PAXBP1: variants seen among roughly 807,000 people sequenced by gnomAD.
PAXBP1 encodes the protein PAX3- and PAX7-binding protein 1.
Under a neutral mutation model 119.9 loss-of-function variants are expected in PAXBP1, and 44 were observed. The ratio of observed to expected loss-of-function variants is 0.37; its 90% CI spans 0.29 to 0.47. The LOEUF is 0.47. Among genes scored for constraint, PAXBP1 ranks in the 20% least tolerant of loss-of-function variants. PAXBP1 has a pLI of 0.99. For missense variants in PAXBP1, 898 were observed against 1,134.1 expected, an observed-to-expected ratio of 0.79 and a Z score of 2.99; for synonymous variants, 393 against 406.6, an observed-to-expected ratio of 0.97 and a Z score of 0.40.
intron 10 of PAXBP1, 83 bp downstream of exon 10, chr21:32,750,834 G>A: frequency 9.9e-7 from 1 of 1,007,016 alleles, no homozygotes; most frequent in Non-Finnish European, 1.5e-6. Flanking sequence ...AGACCATGAA[G>A]ATTCAAATCA....
intron 11 of PAXBP1, among the ~76,000 whole-genome samples, chr21:32,747,086 T>TG (rs1569157897): frequency 1.1e-4 from 1 of 8,762 alleles, no homozygotes; most frequent in Non-Finnish European, 2.3e-4. Flanking sequence ...TGTTGGGGGG[T>TG]GGGGGTGGGG....
chr21:32,748,582 T>C lies in PAXBP1; in HGVS notation c.1840A>G (p.Lys614Glu), dbSNP rs143101864. ...AAACAAAGGCCAATGTAAGCATCTTTGTAGGATGTGTAGTATTTTGAACGC... is the reference window on the plus strand; with the variant it reads ...AAACAAAGGCCAATGTAAGCATCTTCGTAGGATGTGTAGTATTTTGAACGC... The part of the protein sequence containing the change: ...AWRSKYYTSY[K>E]DAYIGLCLPK... The change falls in exon 11 of 18, where the codon AAA (lysine) becomes GAA (glutamate). Residue 614 changes from lysine to glutamate, a missense_variant. Transcript: ENST00000331923. 745 of 1,614,096 alleles carry C rather than the reference T, an allele frequency of 4.6e-4. 4 individuals are homozygous for C. The African/African-American group carries it at 9.0e-3, about 19-fold the overall frequency.
At position 32,769,818 on chromosome 21, in the gene PAXBP1, A is replaced by G. The variant is rs753057771; in HGVS notation, c.468T>C (p.Ala156=). 1 of 1,601,270 alleles carries G rather than the reference A, an allele frequency of 6.2e-7. No individual in the cohort carries two copies. The highest frequency in any genetic ancestry group is 8.5e-7 in the Non-Finnish European group (1 of 1,177,026). ...TTCAATTAGTTTGGTACTTACTTTC[A>G]GCTGATGAGTTGAGTTCTGTCTTAA... is the stretch of plus-strand genomic sequence containing the variant. The part of the protein sequence containing the change: ...SKIKTELNSS[A]ESEQPLDKTG... Residue 156 remains alanine (A), a synonymous_variant, in exon 2 of 18, where the codon GCT becomes GCC. Coordinates refer to ENST00000331923, the MANE Select transcript of PAXBP1 (RefSeq NM_016631.4).
chr21:32,763,610 T>G (rs910207306), intron 3 of PAXBP1, among the ~76,000 whole-genome samples: 1 of 152,220 alleles, frequency 6.6e-6, no homozygotes, highest in Admixed American at 6.5e-5. Context: ...TAAGCACTTA[T>G]TTATTCAAAG....
rs372686133 is a variant in PAXBP1, at chr21:32,751,178, G to A, written c.1548C>T (p.Arg516=). The change falls in exon 9 of 18, where the codon CGC becomes CGT. Residue 516 remains arginine, a synonymous_variant. Coordinates refer to ENST00000331923, the MANE Select transcript of PAXBP1 (RefSeq NM_016631.4). ...LMAPNLDSFG[R]DRALYQEHAK... ...CATGCTCTTGATACAGTGCCCGATC[G>A]CGTCCAAAGGAGTCAAGATTTGGTG... is the stretch of plus-strand genomic sequence containing the variant. The A allele has an allele frequency of 3.7e-5, 59 of 1,614,068 alleles. No individual in the cohort carries two copies. In the African/African-American group the frequency reaches 4.1e-4, roughly 11 times the overall value.
Position 32,759,936 on chromosome 21 carries a change from A to C in PAXBP1, c.1034T>G (p.Met345Arg). 3 of 1,614,154 alleles carry C rather than the reference A, an allele frequency of 1.9e-6. No homozygotes were observed. The highest frequency in any genetic ancestry group is 2.5e-6 in the Non-Finnish European group (3 of 1,179,968). ...AATGCCATAGGATGAGCCGTAAGGC[A>C]TTGTCTGGTAAGTGTTCTGGTAGTA... ...NMYYQNTYQT[M>R]PYGSSYGIPY... The change falls in exon 6 of 18, where the codon ATG (methionine) becomes AGG (arginine). Residue 345 changes from methionine to arginine, a missense_variant. Physicochemically the swap from Met to Arg is moderately conservative, Grantham distance 91. This residue lies in a region of PAXBP1 where 599 missense variants were observed against 852.7 expected (regional missense o/e 0.70). Transcript: ENST00000331923.
At position 32,770,111 on chromosome 21, in the gene PAXBP1, A is replaced by G. The variant is rs190136382; in HGVS notation, c.344-169T>C. Among the ~76,000 whole-genome samples, 79 of 152,334 alleles carry G rather than the reference A, an allele frequency of 5.2e-4. 1 individual carries two copies. The highest frequency in any genetic ancestry group is 4.8e-3 in the Admixed American group (73 of 15,308). On this transcript the variant is annotated intron_variant, in intron 1 of 17. Transcript: ENST00000331923. The stretch of plus-strand genomic sequence containing the variant: ...GTCACAGACTCAAAAACAGAGGTCA[A>G]CTTCCTAAATTACTGTGAAGTAATG...
Position 32,771,444 on chromosome 21 carries a change from G to A in PAXBP1, c.225C>T (p.Ala75=). ...CCGCGCCGCCGGGGAAGCCGCCCCC[G>A]GCCTCAGCCCCGAGGCCCGGGGTCA... ...SALTPGLGAE[A]GGGFPGGAEP... The change falls in exon 1 of 18, where the codon GCC becomes GCT. Residue 75 remains alanine (A), a synonymous_variant. Coordinates refer to ENST00000331923, the MANE Select transcript of PAXBP1 (RefSeq NM_016631.4). 6.7e-7 allele frequency: 1 copy of A among 1,499,142 alleles called. No homozygotes were observed. The highest frequency in any genetic ancestry group is 1.2e-5 in the South Asian group (1 of 80,362). The allele number at this position is 1,499,142 out of a possible 1,614,324, so 92.9% of individuals were successfully genotyped here. A position where few individuals can be genotyped will look rare whatever the true frequency, so the allele number is the denominator to read the frequency against.
At chr21:32,736,109 C>T (rs894375679) in intron 17 of PAXBP1, among the ~76,000 whole-genome samples, 2 of 151,992 alleles carry the variant, frequency 1.3e-5, no homozygotes, top group Non-Finnish European at 2.9e-5. Context: ...AATATTAGTG[C>T]CAACAAATAA....
At chr21:32,743,164 T>G (rs1016373355) in intron 15 of PAXBP1, 84 bp downstream of exon 15, 52 of 976,886 alleles carry the variant, frequency 5.3e-5, no homozygotes, top group Non-Finnish European at 7.3e-5. Flanking sequence ...CCTATGGAGT[T>G]AATAAAAAAC....
At chr21:32,764,246 T>C (rs781314005) in intron 3 of PAXBP1, 102 bp downstream of exon 3, 24 of 1,132,902 alleles carry the variant, frequency 2.1e-5, no homozygotes, top group Non-Finnish European at 2.9e-5. Context: ...AATGTCATAA[T>C]AAGAAACACC....
intron 8 of PAXBP1, among the ~76,000 whole-genome samples, chr21:32,754,504 G>C (rs983380604): frequency 6.6e-6 from 1 of 152,032 alleles, no homozygotes; most frequent in African/African-American, 2.4e-5. Flanking sequence ...GGAACTAAAC[G>C]GTTTAAAACA....
Position 32,761,157 on chromosome 21 carries a change from C to G in PAXBP1, c.877G>C (p.Glu293Gln). ...RQKIAEEIGIEGSDDDALVTG... is the reference protein window; with the variant it reads ...RQKIAEEIGIQGSDDDALVTG... Reference sequence around the variant, plus strand: ...ACTAAAGCATCATCATCACTCCCCTCAATTCCTACAGCCATGAGCAACAAA... The same window carrying G: ...ACTAAAGCATCATCATCACTCCCCTGAATTCCTACAGCCATGAGCAACAAA... The change falls in exon 5 of 18, where the codon GAG (glutamate) becomes CAG (glutamine). Residue 293 changes from glutamate to glutamine, a missense_variant. Coordinates refer to ENST00000331923, the MANE Select transcript of PAXBP1 (RefSeq NM_016631.4). The G allele has an allele frequency of 6.2e-7, 1 of 1,613,210 alleles. No individual in the cohort carries two copies.
At chr21:32,758,394 C>T (rs1601601892) in intron 7 of PAXBP1, among the ~76,000 whole-genome samples, 1 of 150,338 alleles carries the variant, frequency 6.7e-6, no homozygotes, top group East Asian at 1.9e-4. Flanking sequence ...ATACTTTTAT[C>T]TTAAAGAAAA....
In PAXBP1 at chr21:32,734,928, T is replaced by G. The variant is rs1374894104; in HGVS notation, c.*22A>C. 6.4e-7 allele frequency: 1 copy of G among 1,561,184 alleles called. No homozygotes were observed. Among genetic ancestry groups the G allele is most frequent in the East Asian group, 2.2e-5 (1 of 44,564 alleles). On this transcript the variant is annotated 3_prime_UTR_variant, in exon 18 of 18. Transcript: ENST00000331923. ...ACATTGGGAATGGTAATCAAGCAAA[T>G]AGGTTTTTCAGTCTCATAGATCTAT...
intron 12 of PAXBP1, 118 bp from the exon 13 acceptor site, chr21:32,745,031 G>T: frequency 4.5e-6 from 5 of 1,120,196 alleles, no homozygotes; most frequent in Non-Finnish European, 2.5e-6. Flanking sequence ...TACAATATAA[G>T]CTTTAGTCTT....
At chr21:32,760,956 TTGAAA>T (rs1258970327) in intron 5 of PAXBP1, 98 bp downstream of exon 5, 5 of 840,108 alleles carry the variant, frequency 6.0e-6, no homozygotes, top group South Asian at 3.3e-5. Flanking sequence ...ATTTTGTTAC[TTGAAA>T]TGAATGACAA....
chr21:32,755,474 T>G (rs894566615), intron 7 of PAXBP1, 121 bp from the exon 8 acceptor site: 2 of 1,300,842 alleles, frequency 1.5e-6, no homozygotes, highest in Non-Finnish European at 2.1e-6. Flanking sequence ...TAATCATGAA[T>G]CCCCAACAGC....
At chr21:32,760,902 C>CGTGCGTGCGTGCGT (rs1491165069) in intron 5 of PAXBP1, among the ~76,000 whole-genome samples, 157 bp downstream of exon 5, 5 of 127,714 alleles carry the variant, frequency 3.9e-5, no homozygotes, top group East Asian at 5.2e-4. Context: ...TGCGTGCGTG[C>CGTGCGTGCGTGCGT]GTGTGTGTGT....
Sources: allele counts gnomAD v4.1 joint callset (sites outside exome capture counted in the v4.1 genomes callset), GRCh38; gene constraint gnomAD v4.1.1; regional missense constraint gnomAD v4.1.1; transcripts MANE v1.5; gene names NCBI Gene and HGNC (gene_info 2026-07-23, HGNC 2026-07-21).